PDS5A: variants seen among roughly 807,000 people sequenced by gnomAD.
PDS5A encodes PDS5 cohesin associated factor A.
A neutral mutation model predicts 167.1 loss-of-function variants in PDS5A; 42 were observed. The ratio of observed to expected loss-of-function variants is 0.25; its 90% CI spans 0.20 to 0.33. The LOEUF is 0.33. PDS5A is among the 10% of genes least tolerant of loss of function. PDS5A has a pLI of 1.00. For missense variants in PDS5A, 1,033 were observed against 1,605.9 expected (o/e 0.64, Z 6.10); for synonymous variants, 553 against 554.6 (o/e 1.00, Z 0.04).
chr4:39,880,799 TG>T (rs1220390013), intron 17 of PDS5A, among the ~76,000 whole-genome samples: 1 of 152,202 alleles, frequency 6.6e-6, no homozygotes, highest in Non-Finnish European at 1.5e-5. Context: ...TTCTTTGTGT[TG>T]GGAACATTCA....
rs1454093309 is a variant in PDS5A at position 39,919,454 on chromosome 4, G to T, written c.735+865C>A. Among the ~76,000 whole-genome samples the T allele has an allele frequency of 1.3e-5, 2 of 152,096 alleles. 1 individual carries two copies. Among genetic ancestry groups the T allele is most frequent in the Admixed American group, 1.3e-4 (2 of 15,272 alleles). On this transcript the variant is annotated intron_variant, in intron 7 of 32. Transcript: ENST00000303538. The stretch of plus-strand genomic sequence containing the variant: ...AGGTCAGGAGATCAAGACCACCCTG[G>T]CTAACACGGTGAAACCCTGTCTCTA...
chr4:39,865,023 T>C (rs1298584285), intron 23 of PDS5A, among the ~76,000 whole-genome samples: 1 of 152,154 alleles, frequency 6.6e-6, no homozygotes, highest in African/African-American at 2.4e-5. Flanking sequence ...GATAACATTT[T>C]TGAGGATCTA....
chr4:39,868,786 T>C (rs775345398), intron 22 of PDS5A: 3 of 417,028 alleles, frequency 7.2e-6, no homozygotes, highest in African/African-American at 2.1e-5. Context: ...ATTATATTTA[T>C]TGACAACCAG....
In PDS5A at chr4:39,824,230, T is replaced by C. The variant is rs750117710; in HGVS notation, c.*1255A>G. ...ACTATTTTATATAGATAATGGAGAG[T>C]TGACTGTAATCATGTTATGACTTTA... On this transcript the variant is annotated 3_prime_UTR_variant, in exon 33 of 33. Transcript: ENST00000303538. 8 of 152,032 alleles carry C rather than the reference T, an allele frequency of 5.3e-5. No individual in the cohort carries two copies. Among genetic ancestry groups the C allele is most frequent in the Non-Finnish European group, 7.4e-5 (5 of 68,012 alleles). The allele number at this position is 152,032 out of a possible 1,614,324, so 9.4% of individuals were successfully genotyped here.
At chr4:39,843,670 C>G (rs1430127787) in intron 30 of PDS5A, among the ~76,000 whole-genome samples, 3 of 152,120 alleles carry the variant, frequency 2.0e-5, no homozygotes, top group South Asian at 2.1e-4. Flanking sequence ...CATCACTGCA[C>G]TCCAGCCTGA....
At chr4:39,921,557 G>C (rs1432146224) in intron 6 of PDS5A, among the ~76,000 whole-genome samples, 1 of 130,514 alleles carries the variant, frequency 7.7e-6, no homozygotes, top group Non-Finnish European at 1.6e-5. Flanking sequence ...GCAACATAGC[G>C]AAACCCTGTT....
intron 2 of PDS5A, among the ~76,000 whole-genome samples, chr4:39,975,069 T>C (rs1277570665): frequency 7.2e-6 from 1 of 138,880 alleles, no homozygotes; most frequent in Middle Eastern, 3.7e-3. Context: ...GACGCGCCAC[T>C]GCACTCCAGC....
chr4:39,843,784 T>C (rs1306330747), intron 30 of PDS5A, among the ~76,000 whole-genome samples: 2 of 152,230 alleles, frequency 1.3e-5, no homozygotes, highest in East Asian at 3.9e-4. Context: ...AATTTTTCTA[T>C]ACACTTAGAA....
chr4:39,890,470 G>C, intron 16 of PDS5A, 106 bp from the exon 17 acceptor site: 1 of 673,166 alleles, frequency 1.5e-6, no homozygotes, highest in Admixed American at 2.6e-5. Context: ...AAGTGGTTAA[G>C]AATTGTCTGC....
intron 16 of PDS5A, among the ~76,000 whole-genome samples, chr4:39,895,104 G>A (rs1376337849): frequency 1.4e-5 from 2 of 148,106 alleles, no homozygotes; most frequent in Non-Finnish European, 3.0e-5. Context: ...GCAGGAGCCT[G>A]TAGTCCCAGC....
chr4:39,833,210 A>AAAAAAAG (rs1716081158), intron 32 of PDS5A, among the ~76,000 whole-genome samples: 2 of 147,858 alleles, frequency 1.4e-5, no homozygotes, highest in African/African-American at 4.9e-5. Context: ...AAAAAAAAAA[A>AAAAAAAG]AAAAAAGAAA....
intron 5 of PDS5A, 63 bp from the exon 6 acceptor site, chr4:39,922,811 T>A: frequency 7.4e-7 from 1 of 1,354,418 alleles, no homozygotes; most frequent in Non-Finnish European, 9.5e-7. Context: ...TTCAAGCTTC[T>A]AATAGGAAAT....
At chr4:39,867,077 G>A (rs905173815) in intron 22 of PDS5A, 80 bp from the exon 23 acceptor site, 4 of 1,100,884 alleles carry the variant, frequency 3.6e-6, no homozygotes, top group Non-Finnish European at 5.2e-6. Context: ...TTAGATTAAT[G>A]AGATTACTCA....
At chr4:39,916,454 A>G (rs996180653) in intron 8 of PDS5A, among the ~76,000 whole-genome samples, 3 of 152,248 alleles carry the variant, frequency 2.0e-5, no homozygotes, top group Non-Finnish European at 4.4e-5. Context: ...AAACATATCT[A>G]TCTAATAATG....
chr4:39,898,595 A>G, intron 15 of PDS5A, 67 bp from the exon 16 acceptor site: 1 of 1,127,078 alleles, frequency 8.9e-7, no homozygotes, highest in African/African-American at 1.6e-5. Flanking sequence ...TAAGCTAAAA[A>G]CAGGTGCCAT....
chr4:39,935,304 G>A (rs566191795), intron 2 of PDS5A, among the ~76,000 whole-genome samples: 25 of 152,266 alleles, frequency 1.6e-4, no homozygotes, highest in Non-Finnish European at 2.6e-4. Context: ...TGCCATGTTG[G>A]CCAGGCTGGT....
intron 17 of PDS5A, among the ~76,000 whole-genome samples, chr4:39,888,689 AC>A (rs201787911): frequency 7.0e-4 from 105 of 150,172 alleles, no homozygotes; most frequent in Middle Eastern, 3.4e-3. Flanking sequence ...GCCAAGAACA[AC>A]AAAAAAAAAA....
chr4:39,948,418 C>T (rs1434863470), intron 2 of PDS5A, among the ~76,000 whole-genome samples: 4 of 146,586 alleles, frequency 2.7e-5, no homozygotes, highest in African/African-American at 5.0e-5. Flanking sequence ...CTCCGCCTCC[C>T]GGGTTCAAGC....
At chr4:39,853,295 T>C (rs1718272008) in intron 26 of PDS5A, among the ~76,000 whole-genome samples, 1 of 152,178 alleles carries the variant, frequency 6.6e-6, no homozygotes, top group African/African-American at 2.4e-5. Flanking sequence ...ATCCAAATCT[T>C]TGGCTTCTTG....
Sources: allele counts gnomAD v4.1 joint callset (sites outside exome capture counted in the v4.1 genomes callset), GRCh38; gene constraint gnomAD v4.1.1; transcripts MANE v1.5; gene names NCBI Gene and HGNC (gene_info 2026-07-23, HGNC 2026-07-21).